The following KCNH5 variants were observed in gnomAD, a reference collection of about 807,000 sequenced individuals.
KCNH5 encodes voltage-gated delayed rectifier potassium channel KCNH5.
A neutral mutation model predicts 96.1 loss-of-function variants in KCNH5; 46 were observed. The observed-to-expected ratio is 0.48, with a 90% CI of 0.38 to 0.61. The LOEUF (loss-of-function observed/expected upper bound fraction) is 0.61. Ranked by LOEUF, KCNH5 falls within the 20% of genes least tolerant of loss-of-function variation. KCNH5 has a pLI of 0.00. For synonymous variants in KCNH5, 439 were observed against 449.8 expected (o/e 0.98, Z 0.30); for missense variants, 907 against 1,225.8 (o/e 0.74, Z 3.88).
intron 7 of KCNH5, among the ~76,000 whole-genome samples, chr14:62,926,810 G>C (rs187159279): frequency 6.6e-6 from 1 of 152,136 alleles, no homozygotes; most frequent in Non-Finnish European, 1.5e-5. Context: ...TGAAGGGTTG[G>C]GATTTAACAC....
intron 8 of KCNH5, among the ~76,000 whole-genome samples, chr14:62,839,947 T>A (rs1887542197): frequency 6.6e-6 from 1 of 152,194 alleles, no homozygotes; most frequent in African/African-American, 2.4e-5. Context: ...TCTCCTTTTT[T>A]AAAATCTGAC....
intron 8 of KCNH5, among the ~76,000 whole-genome samples, chr14:62,808,025 GT>G (rs753908613): frequency 6.6e-6 from 1 of 152,098 alleles, no homozygotes; most frequent in Non-Finnish European, 1.5e-5. Context: ...CTTCTGCCTG[GT>G]ATATCTTAGG....
chr14:63,014,873 A>C (rs535893749), intron 2 of KCNH5, among the ~76,000 whole-genome samples: 1 of 152,112 alleles, frequency 6.6e-6, no homozygotes, highest in East Asian at 1.9e-4. Flanking sequence ...GAGTGTGAGT[A>C]TATCTGTGTT....
chr14:62,780,015 T>A, intron 9 of KCNH5, 91 bp from the exon 10 acceptor site: 1 of 1,049,510 alleles, frequency 9.5e-7, no homozygotes, highest in Non-Finnish European at 1.3e-6. Flanking sequence ...AGTATTGACC[T>A]TCTAGCATAA....
chr14:62,927,695 C>G (rs1889502513), intron 7 of KCNH5, among the ~76,000 whole-genome samples: 2 of 151,988 alleles, frequency 1.3e-5, no homozygotes, highest in Admixed American at 6.6e-5. Flanking sequence ...TTCATAGAGA[C>G]AGAAAGTCGG....
intron 10 of KCNH5, among the ~76,000 whole-genome samples, chr14:62,733,753 A>T (rs1885099731): frequency 6.6e-6 from 1 of 152,142 alleles, no homozygotes; most frequent in Non-Finnish European, 1.5e-5. Flanking sequence ...ACTATTGGCC[A>T]CTTTACTCTT....
At chr14:62,868,577 A>C (rs1275949914) in intron 7 of KCNH5, among the ~76,000 whole-genome samples, 2 of 152,028 alleles carry the variant, frequency 1.3e-5, no homozygotes, top group Non-Finnish European at 2.9e-5. Context: ...ATTATACTTT[A>C]AGTTCTGGGA....
chr14:62,789,256 GCTGT>G (rs1258253863), intron 9 of KCNH5, among the ~76,000 whole-genome samples: 3 of 151,944 alleles, frequency 2.0e-5, no homozygotes, highest in South Asian at 2.1e-4. Context: ...CAAATGGCAG[GCTGT>G]CTTTCTTTTT....
chr14:63,036,400 G>C (rs1395628913), intron 1 of KCNH5, among the ~76,000 whole-genome samples: 2 of 151,882 alleles, frequency 1.3e-5, no homozygotes, highest in African/African-American at 2.4e-5. Flanking sequence ...TAGTTGGAAA[G>C]TAAGACTAAC....
At chr14:62,730,640 C>T (rs1376096809) in intron 10 of KCNH5, among the ~76,000 whole-genome samples, 1 of 152,174 alleles carries the variant, frequency 6.6e-6, no homozygotes, top group Non-Finnish European at 1.5e-5. Context: ...CCTCTTTCCT[C>T]ATCTATCAAG....
intron 10 of KCNH5, among the ~76,000 whole-genome samples, chr14:62,766,117 A>C (rs1438927035): frequency 6.6e-6 from 1 of 152,188 alleles, no homozygotes; most frequent in South Asian, 2.1e-4. Flanking sequence ...GAGCAAATAA[A>C]AACTATAATG....
chr14:62,887,737 C>G (rs1888626266), intron 7 of KCNH5, among the ~76,000 whole-genome samples: 2 of 152,038 alleles, frequency 1.3e-5, no homozygotes, highest in Admixed American at 6.6e-5. Context: ...GCCAGACTGT[C>G]TGCTTTGCTC....
intron 7 of KCNH5, among the ~76,000 whole-genome samples, chr14:62,928,182 A>G (rs1476065205): frequency 1.3e-5 from 2 of 152,148 alleles, no homozygotes; most frequent in African/African-American, 4.8e-5. Context: ...AAGCATCCAG[A>G]AATAAGAGGA....
At chr14:62,791,349 A>T (rs1457842860) in intron 9 of KCNH5, among the ~76,000 whole-genome samples, 2 of 151,690 alleles carry the variant, frequency 1.3e-5, no homozygotes, top group African/African-American at 4.8e-5. Flanking sequence ...ACAGTAAGTA[A>T]GTCACAAGAA....
At chr14:62,939,884 G>A (rs1218235219) in intron 7 of KCNH5, among the ~76,000 whole-genome samples, 1 of 151,964 alleles carries the variant, frequency 6.6e-6, no homozygotes, top group Non-Finnish European at 1.5e-5. Context: ...AGGCTGCAGT[G>A]AGCTGAGATC....
intron 7 of KCNH5, among the ~76,000 whole-genome samples, chr14:62,878,630 A>G (rs990828645): frequency 1.2e-4 from 18 of 152,168 alleles, no homozygotes; most frequent in African/African-American, 4.3e-4. Context: ...TAAACCAGCA[A>G]TCTAATTTAA....
At chr14:62,761,755 T>C (rs1885756026) in intron 10 of KCNH5, among the ~76,000 whole-genome samples, 1 of 152,302 alleles carries the variant, frequency 6.6e-6, no homozygotes, top group Admixed American at 6.5e-5. Flanking sequence ...AAATGTGGTA[T>C]AGGAAGAGCC....
chr14:63,005,678 G>A (rs1207835186), intron 3 of KCNH5, among the ~76,000 whole-genome samples: 1 of 152,204 alleles, frequency 6.6e-6, no homozygotes, highest in Non-Finnish European at 1.5e-5. Flanking sequence ...AGAAAGGGGA[G>A]TTGTTGAGTA....
At chr14:62,915,476 A>C (rs1889255803) in intron 7 of KCNH5, among the ~76,000 whole-genome samples, 2 of 152,234 alleles carry the variant, frequency 1.3e-5, no homozygotes. Context: ...AAATGCCATT[A>C]AAAATGCACA....
Sources: allele counts gnomAD v4.1 joint callset (sites outside exome capture counted in the v4.1 genomes callset), GRCh38; gene constraint gnomAD v4.1.1; transcripts MANE v1.5; gene names NCBI Gene and HGNC (gene_info 2026-07-23, HGNC 2026-07-21).